CUX1: variants seen among roughly 807,000 people sequenced by gnomAD.
The protein encoded by CUX1 is protein CASP.
Under a neutral mutation model 158.8 loss-of-function variants are expected in CUX1, and 31 were observed. The observed-to-expected ratio is 0.20, with a 90% CI of 0.15 to 0.26. CUX1 has a LOEUF of 0.26. Among genes scored for constraint, CUX1 ranks in the 10% least tolerant of loss-of-function variants. CUX1 has a pLI of 1.00. For synonymous variants in CUX1, 879 were observed against 862.1 expected (o/e 1.02, Z -0.34); for missense variants, 1,589 against 2,014.6 (o/e 0.79, Z 4.04).
At chr7:102,186,022 T>C (rs1793585515) in intron 11 of CUX1, among the ~76,000 whole-genome samples, 1 of 151,936 alleles carries the variant, frequency 6.6e-6, no homozygotes, top group Middle Eastern at 3.4e-3. Flanking sequence ...ACAGGAGGAG[T>C]GCGTCTTCAG....
At chr7:102,039,097 AAG>A (rs1321108251) in intron 3 of CUX1, among the ~76,000 whole-genome samples, 2 of 152,306 alleles carry the variant, frequency 1.3e-5, no homozygotes, top group African/African-American at 4.8e-5. Flanking sequence ...TAATAAAGAA[AAG>A]CATATGGATT....
At chr7:102,211,543 G>A (rs1409863917) in intron 20 of CUX1, among the ~76,000 whole-genome samples, 1 of 151,936 alleles carries the variant, frequency 6.6e-6, no homozygotes, top group Admixed American at 6.6e-5. Context: ...CACTTTGAGA[G>A]GCCGAGGCAG....
chr7:102,252,672 G>A lies in CUX1; in HGVS notation c.*3630G>A, dbSNP rs537411439. On this transcript the variant is annotated 3_prime_UTR_variant, in exon 24 of 24. Transcript: ENST00000292535. ...GATAGCCGAGATGGCAGGTGTGTGA[G>A]TTCTGTCCTAGACCTGTGCCCAACT... is the stretch of plus-strand genomic sequence containing the variant. The A allele has an allele frequency of 3.0e-6, 3 of 985,448 alleles. No individual in the cohort carries two copies. The highest frequency in any genetic ancestry group is 1.1e-4 in the East Asian group (1 of 8,814). 61.0% of individuals were successfully genotyped at this position (985,448 alleles called of 1,614,324 possible).
At chr7:102,147,022 C>T (rs1168264556) in intron 8 of CUX1, among the ~76,000 whole-genome samples, 2 of 152,142 alleles carry the variant, frequency 1.3e-5, no homozygotes, top group Non-Finnish European at 2.9e-5. Flanking sequence ...AACTGTCTCT[C>T]GGCACAGTGT....
chr7:102,085,561 T>C (rs367773), intron 4 of CUX1, among the ~76,000 whole-genome samples: 34,233 of 152,118 alleles, frequency 0.23, 4,618 homozygotes, highest in African/African-American at 0.38. Context: ...GAAGGACATG[T>C]TTGCTTCCCC....
intron 1 of CUX1, among the ~76,000 whole-genome samples, chr7:101,876,342 C>CA (rs991247362): frequency 1.0e-3 from 55 of 52,798 alleles, no homozygotes; most frequent in African/African-American, 2.1e-3. Context: ...AAAAAAAAAA[C>CA]AAAAAAAAAA....
chr7:102,229,548 G>A lies in CUX1; in HGVS notation c.3433+1879G>A, dbSNP rs554267513. Among the ~76,000 whole-genome samples, 8 of 150,090 alleles carry A rather than the reference G, an allele frequency of 5.3e-5. 1 individual carries two copies. The South Asian group carries it at 1.7e-3, about 32-fold the overall frequency. Reference sequence around the variant, plus strand: ...GATGGTCTCGAACTCCTGACCTCAAGTGATCCACCCACCTCGGCCTCCCAA... The same window carrying A: ...GATGGTCTCGAACTCCTGACCTCAAATGATCCACCCACCTCGGCCTCCCAA... On this transcript the variant is annotated intron_variant, in intron 21 of 23. Coordinates refer to ENST00000292535, the MANE Select transcript of CUX1 (RefSeq NM_181552.4).
intron 1 of CUX1, among the ~76,000 whole-genome samples, chr7:101,855,324 G>C (rs553147287): frequency 6.6e-6 from 1 of 152,196 alleles, no homozygotes; most frequent in South Asian, 2.1e-4. Flanking sequence ...TGGCCCGGTG[G>C]CCTTGCCTGC....
intron 3 of CUX1, among the ~76,000 whole-genome samples, chr7:102,030,275 G>A (rs1359064265): frequency 2.0e-5 from 3 of 152,146 alleles, no homozygotes; most frequent in Admixed American, 6.5e-5. Context: ...ACCTCCCAAA[G>A]TGCTGGGATT....
chr7:101,901,221 A>G (rs1236315776), intron 1 of CUX1, among the ~76,000 whole-genome samples: 1 of 152,064 alleles, frequency 6.6e-6, no homozygotes, highest in Non-Finnish European at 1.5e-5. Context: ...TCTGGAAGAA[A>G]CAGGGCTATA....
At chr7:102,160,182 A>AT (rs1790280178) in intron 9 of CUX1, among the ~76,000 whole-genome samples, 1 of 149,422 alleles carries the variant, frequency 6.7e-6, no homozygotes, top group Admixed American at 6.8e-5. Context: ...CTGTCTAAAA[A>AT]AAAAAAAAAG....
chr7:101,907,804 G>A (rs913739562), intron 1 of CUX1, among the ~76,000 whole-genome samples: 4 of 152,034 alleles, frequency 2.6e-5, no homozygotes, highest in African/African-American at 9.7e-5. Flanking sequence ...ATTACTGGAG[G>A]GGAAAAAATA....
Position 102,083,522 on chromosome 7 carries a change from T to C in CUX1, c.268+13105T>C, listed in dbSNP as rs1554479475. The stretch of plus-strand genomic sequence containing the variant: ...GGTCTAGCTGTGTTGCCCAGACTGG[T>C]CTCAAACTCCTGGGCTCAAGCAGTC... On this transcript the variant is annotated intron_variant, in intron 4 of 23. Coordinates refer to ENST00000292535, the MANE Select transcript of CUX1 (RefSeq NM_181552.4). 1.4e-5 allele frequency among the ~76,000 whole-genome samples: 2 copies of C among 146,908 alleles called. 1 individual carries two copies. Among genetic ancestry groups the C allele is most frequent in the Non-Finnish European group, 3.1e-5 (2 of 65,058 alleles).
At position 101,964,217 on chromosome 7, in the gene CUX1, G is replaced by C. The variant is rs113285355; in HGVS notation, c.141+47992G>C. ...AAAATACAAAAATTAGCCTGGCGCAGTGGTGAGCACCTGTAGTCCCAGCTT... is the reference window on the plus strand; with the variant it reads ...AAAATACAAAAATTAGCCTGGCGCACTGGTGAGCACCTGTAGTCCCAGCTT... On this transcript the variant is annotated intron_variant, in intron 2 of 23. Transcript: ENST00000292535. 6.6e-5 allele frequency among the ~76,000 whole-genome samples: 10 copies of C among 152,194 alleles called. 1 individual carries two copies. The highest frequency in any genetic ancestry group is 2.4e-4 in the African/African-American group (10 of 41,556).
At chr7:102,179,214 A>G in intron 11 of CUX1, among the ~76,000 whole-genome samples, 1 of 152,182 alleles carries the variant, frequency 6.6e-6, no homozygotes, top group South Asian at 2.1e-4. Context: ...CACCCAGCTA[A>G]TTTTTGTATT....
chr7:101,898,381 G>A (rs887002999), intron 1 of CUX1, among the ~76,000 whole-genome samples: 11 of 152,108 alleles, frequency 7.2e-5, no homozygotes, highest in African/African-American at 2.2e-4. Flanking sequence ...TGGGCTCCCC[G>A]TGTTTAAAGC....
intron 9 of CUX1, among the ~76,000 whole-genome samples, chr7:102,163,082 A>C (rs1355721287): frequency 1.1e-4 from 16 of 152,204 alleles, no homozygotes; most frequent in Admixed American, 9.8e-4. Context: ...CAGGGAGGAA[A>C]GATGCAAGCC....
At position 102,195,513 on chromosome 7, in the gene CUX1, G is replaced by T; in HGVS notation, c.1132G>T (p.Ala378Ser). 1 of 1,611,470 alleles carries T rather than the reference G, an allele frequency of 6.2e-7. No individual in the cohort carries two copies. Residue 378 changes from alanine (A) to serine (S), a missense_variant, in exon 14 of 24, where the codon GCC (alanine) becomes TCC (serine). By Grantham distance (99) the Ala-to-Ser change is moderately conservative (BLOSUM62 1). Around this residue, in one of 8 missense-constraint regions of CUX1, gnomAD observed 515 missense variants for 574.4 expected, o/e 0.90. Transcript: ENST00000292535. ...CCCGCTCTGCCCCTTCTAGGATGCG[G>T]CCAAGCCCCTGGAGGTGCTGTTGCT... Reference protein sequence around the residue: ...PSEGAGTQDAAKPLEVLLLEK... With the variant: ...PSEGAGTQDASKPLEVLLLEK...
chr7:102,170,190 G>A (rs922792717), intron 9 of CUX1, among the ~76,000 whole-genome samples: 21 of 152,204 alleles, frequency 1.4e-4, no homozygotes, highest in African/African-American at 5.1e-4. Context: ...CAGTGGGCCG[G>A]AGTATTAGTA....
Sources: allele counts gnomAD v4.1 joint callset (sites outside exome capture counted in the v4.1 genomes callset), GRCh38; gene constraint gnomAD v4.1.1; regional missense constraint gnomAD v4.1.1; transcripts MANE v1.5; gene names NCBI Gene and HGNC (gene_info 2026-07-23, HGNC 2026-07-21).